Variants in SPRR2G observed in about 807,000 individuals in gnomAD.
SPRR2G encodes small proline-rich protein 2G.
SPRR2G carries 1 observed loss-of-function variant against 0.7 expected under a neutral mutation model. The observed-to-expected ratio is 1.49, with a 90% CI of 0.53 to 7.06. The LOEUF is 7.06. Among genes scored for constraint, SPRR2G ranks in the 30% most tolerant of loss-of-function variants. SPRR2G has a pLI of 0.14. For synonymous variants in SPRR2G, 38 were observed against 33.9 expected (o/e 1.12, Z -0.42); for missense variants, 96 against 88.5 (o/e 1.09, Z -0.34).
At chr1:153,172,862 G>A in the SPRR2G span, among the ~76,000 whole-genome samples, 10 of 152,230 alleles carry the variant, frequency 6.6e-5, no homozygotes, top group South Asian at 8.3e-4. Flanking sequence ...CATCTGGGCC[G>A]GAAGAAGATT....
the SPRR2G span, among the ~76,000 whole-genome samples, chr1:153,182,925 G>T: frequency 4.0e-5 from 6 of 151,858 alleles, no homozygotes; most frequent in Non-Finnish European, 2.9e-5. Flanking sequence ...GGGTCAAATG[G>T]TATTTCTGGT....
At chr1:153,156,162 T>C in the SPRR2G span, among the ~76,000 whole-genome samples, 98 of 152,380 alleles carry the variant, frequency 6.4e-4, 3 homozygotes, top group East Asian at 0.019. Context: ...TTGTGAGTTC[T>C]GAGGGAAAGA....
In SPRR2G at chr1:153,150,084, C is replaced by T; in HGVS notation, c.27G>A (p.Lys9=). 6.2e-7 allele frequency: 1 copy of T among 1,612,706 alleles called. No homozygotes were observed. The part of the protein sequence containing the change: MSYQQQQC[K]QPCQPPPVCP... ...ACACAGGAGGTGGCTGGCAGGGCTG[C>T]TTGCACTGCTGCTGCTGGTAAGACA... is the stretch of plus-strand genomic sequence containing the variant. Residue 9 remains lysine, a synonymous_variant, in exon 2 of 2, where the codon AAG becomes AAA. Coordinates refer to ENST00000368748, the MANE Select transcript of SPRR2G (RefSeq NM_001014291.4).
chr1:153,186,148 T>G, the SPRR2G span, among the ~76,000 whole-genome samples: 1 of 152,334 alleles, frequency 6.6e-6, no homozygotes, highest in South Asian at 2.1e-4. Flanking sequence ...GTGGTCAATT[T>G]TAGAATAAGT....
the SPRR2G span, among the ~76,000 whole-genome samples, chr1:153,186,683 A>T: frequency 1.5e-4 from 23 of 152,278 alleles, no homozygotes; most frequent in Non-Finnish European, 3.4e-4. Context: ...TAATTGGGGC[A>T]TTTAGCCTAT....
At chr1:153,171,990 A>T in the SPRR2G span, among the ~76,000 whole-genome samples, 6 of 151,974 alleles carry the variant, frequency 3.9e-5, no homozygotes, top group Non-Finnish European at 4.4e-5. Flanking sequence ...ACTTGTTCAG[A>T]CCTTCTTCTT....
chr1:153,186,778 A>G, the SPRR2G span, among the ~76,000 whole-genome samples: 1 of 152,230 alleles, frequency 6.6e-6, no homozygotes, highest in Non-Finnish European at 1.5e-5. Flanking sequence ...TAGTTAATAC[A>G]GATTCTTCAT....
the SPRR2G span, among the ~76,000 whole-genome samples, chr1:153,156,297 C>T: frequency 2.0e-5 from 3 of 152,204 alleles, no homozygotes; most frequent in African/African-American, 7.2e-5. Context: ...AATCCACACA[C>T]CTACCTATAG....
chr1:153,159,505 A>G, the SPRR2G span, among the ~76,000 whole-genome samples: 9 of 152,030 alleles, frequency 5.9e-5, no homozygotes, highest in East Asian at 9.6e-4. Context: ...AGCCCTCCAA[A>G]CTGTTACAAT....
chr1:153,184,347 A>C, the SPRR2G span, among the ~76,000 whole-genome samples: 1 of 152,128 alleles, frequency 6.6e-6, no homozygotes, highest in Admixed American at 6.5e-5. Flanking sequence ...TGAGCATGGA[A>C]GTTTTTCCAG....
the SPRR2G span, among the ~76,000 whole-genome samples, chr1:153,187,542 A>C: frequency 6.6e-6 from 1 of 151,952 alleles, no homozygotes; most frequent in African/African-American, 2.4e-5. Flanking sequence ...TGTGTTTTTC[A>C]GCTCCATCAG....
chr1:153,169,799 A>T, the SPRR2G span, among the ~76,000 whole-genome samples: 10 of 152,156 alleles, frequency 6.6e-5, no homozygotes, highest in Non-Finnish European at 1.5e-4. Flanking sequence ...CTTATTCAAC[A>T]TGTATATTCA....
Position 153,149,598 on chromosome 1 carries a change from A to G in SPRR2G, c.*291T>C. On this transcript the variant is annotated 3_prime_UTR_variant, in exon 2 of 2. Coordinates refer to ENST00000368748, the MANE Select transcript of SPRR2G (RefSeq NM_001014291.4). ...AAAGCAATGTGGGCTTGACCATGAA[A>G]CATGTGCTTTATTGGGGAGAAGCAA... 2.0e-6 allele frequency: 1 copy of G among 488,600 alleles called. No individual in the cohort carries two copies. Among genetic ancestry groups the G allele is most frequent in the Admixed American group, 3.4e-5 (1 of 29,236 alleles). 30.3% of individuals were successfully genotyped at this position (488,600 alleles called of 1,614,324 possible).
Position 153,149,582 on chromosome 1 carries a change from TG to T in SPRR2G, c.*306del, listed in dbSNP as rs1451317606. 21 of 434,666 alleles carry T rather than the reference TG, an allele frequency of 4.8e-5. No individual in the cohort carries two copies. Among genetic ancestry groups the T allele is most frequent in the Non-Finnish European group, 8.0e-5 (19 of 236,890 alleles). The allele number at this position is 434,666 out of a possible 1,614,324, so 26.9% of individuals were successfully genotyped here. Reference sequence around the variant, plus strand: ...ACACGAAATGCAAACAAAAGCAATGTGGGCTTGACCATGAAACATGTGCTTT... The same window carrying T: ...ACACGAAATGCAAACAAAAGCAATGTGGCTTGACCATGAAACATGTGCTTT... On this transcript the variant is annotated 3_prime_UTR_variant, in exon 2 of 2. Transcript: ENST00000368748.
the SPRR2G span, among the ~76,000 whole-genome samples, chr1:153,176,988 C>G: frequency 2.6e-5 from 4 of 152,072 alleles, no homozygotes; most frequent in Non-Finnish European, 5.9e-5. Context: ...TTAGTTAATC[C>G]CCTCCCAAAG....
the SPRR2G span, among the ~76,000 whole-genome samples, chr1:153,163,414 C>A: frequency 6.6e-6 from 1 of 152,202 alleles, no homozygotes; most frequent in Non-Finnish European, 1.5e-5. Context: ...CCCTGCCAAA[C>A]ATCACACGCC....
chr1:153,197,894 A>G, the SPRR2G span, among the ~76,000 whole-genome samples: 1 of 152,238 alleles, frequency 6.6e-6, no homozygotes, highest in Non-Finnish European at 1.5e-5. Context: ...GACAAGAAGC[A>G]TTAACTATTG....
At chr1:153,178,044 A>T in the SPRR2G span, among the ~76,000 whole-genome samples, 151,270 of 152,252 alleles carry the variant, frequency 0.99, 75,145 homozygotes, top group Middle Eastern at 1. Flanking sequence ...AGTGTAGCAG[A>T]CTTACAAATT....
At chr1:153,189,043 C>T in the SPRR2G span, among the ~76,000 whole-genome samples, 3 of 152,212 alleles carry the variant, frequency 2.0e-5, no homozygotes, top group South Asian at 4.1e-4. Flanking sequence ...GCAGAAATCA[C>T]CTGCCTTCTG....
Sources: allele counts gnomAD v4.1 joint callset (sites outside exome capture counted in the v4.1 genomes callset), GRCh38; gene constraint gnomAD v4.1.1; transcripts MANE v1.5; gene names NCBI Gene and HGNC (gene_info 2026-07-23, HGNC 2026-07-21).